Variants in SIAE observed in about 807,000 individuals in gnomAD.
The protein encoded by SIAE is sialate O-acetylesterase.
In SIAE, 39 loss-of-function variants were observed where a neutral mutation model predicts 52.6. The ratio of observed to expected loss-of-function variants is 0.74; its 90% CI spans 0.57 to 0.97. The LOEUF (loss-of-function observed/expected upper bound fraction) is 0.97. Ranked by LOEUF, SIAE falls within the 50% of genes least tolerant of loss-of-function variation. SIAE has a pLI of 0.00. For missense variants in SIAE, 592 were observed against 662.1 expected (o/e 0.89, Z 1.16); for synonymous variants, 233 against 241.4 (o/e 0.97, Z 0.32).
At chr11:124,647,062 T>G (rs1182343314) in intron 7 of SIAE, among the ~76,000 whole-genome samples, 2 of 152,264 alleles carry the variant, frequency 1.3e-5, no homozygotes, top group African/African-American at 4.8e-5. Context: ...ATTATCAACT[T>G]TTTTAGCTTC....
At chr11:124,639,965 A>G (rs1348799439) in intron 7 of SIAE, 98 bp from the exon 8 acceptor site, 4 of 1,384,422 alleles carry the variant, frequency 2.9e-6, no homozygotes, top group Non-Finnish European at 4.1e-6. Context: ...CATTGCATTT[A>G]AATGCTCATT....
chr11:124,673,440 G>A (rs946287074), intron 1 of SIAE, among the ~76,000 whole-genome samples: 3 of 152,246 alleles, frequency 2.0e-5, no homozygotes, highest in Admixed American at 1.3e-4. Context: ...TAAGTGGGGG[G>A]TGGAGAAAGT....
intron 9 of SIAE, among the ~76,000 whole-genome samples, chr11:124,637,414 A>T (rs1942767616): frequency 6.6e-6 from 1 of 152,212 alleles, no homozygotes; most frequent in Admixed American, 6.5e-5. Context: ...TCAAATAAAT[A>T]ATTTTAATAA....
chr11:124,669,688 A>G, intron 1 of SIAE, 167 bp from the exon 2 acceptor site: 3 of 688,028 alleles, frequency 4.4e-6, no homozygotes, highest in Non-Finnish European at 5.2e-6. Flanking sequence ...TTAGGCAAGC[A>G]ACATAACAAG....
chr11:124,653,422 G>A (rs1351102422), intron 4 of SIAE, among the ~76,000 whole-genome samples: 3 of 152,134 alleles, frequency 2.0e-5, no homozygotes, highest in African/African-American at 4.8e-5. Flanking sequence ...TGAGGGAAGG[G>A]AATGAAGAAG....
At chr11:124,667,997 G>T (rs1481216657) in intron 2 of SIAE, among the ~76,000 whole-genome samples, 1 of 152,170 alleles carries the variant, frequency 6.6e-6, no homozygotes, top group Non-Finnish European at 1.5e-5. Context: ...CTTCCACAGT[G>T]CTGCCACAGC....
chr11:124,639,593 G>A, intron 8 of SIAE, 117 bp downstream of exon 8: 2 of 1,285,374 alleles, frequency 1.6e-6, no homozygotes, highest in Non-Finnish European at 2.2e-6. Context: ...GCACACCCCA[G>A]CATACGTGAC....
Position 124,660,636 on chromosome 11 carries a change from C to A in SIAE, c.397G>T (p.Val133Leu). ...GAGACTCTGCAAATTACCTGTAACA[C>A]AGTCATCTGCATGTTACTCTGCCCA... ...CSGQSNMQMTVLQIFNATREL... is the reference protein window; with the variant it reads ...CSGQSNMQMTLLQIFNATREL... The change falls in exon 3 of 10, where the codon GTG becomes TTG. Residue 133 changes from valine (V) to leucine (L), a missense_variant. Physicochemically the swap from Val to Leu is conservative, Grantham distance 32. Transcript: ENST00000263593. 6.2e-7 allele frequency: 1 copy of A among 1,614,088 alleles called. No individual in the cohort carries two copies. The highest frequency in any genetic ancestry group is 1.3e-5 in the African/African-American group (1 of 75,052).
rs1239354600 is a variant in SIAE at position 124,637,175 on chromosome 11, T to A, written c.1348A>T (p.Lys450Ter). The change falls in exon 10 of 10, where the codon AAG (lysine) becomes TAG (stop). Residue 450 changes from lysine to a stop codon, truncating the protein, a stop_gained. Transcript: ENST00000263593. LOFTEE classifies it low-confidence loss of function (END_TRUNC). ...EISCCSDHRC[K>*]WLPASMNTVS... ...GTGTTCATAGAAGCTGGAAGCCACT[T>A]GCATCGATGGTCACTGCAACAGGAG... The A allele has an allele frequency of 5.6e-6, 9 of 1,614,040 alleles. No homozygotes were observed. Among genetic ancestry groups the A allele is most frequent in the Non-Finnish European group, 6.8e-6 (8 of 1,180,040 alleles).
chr11:124,638,450 CATCGTA>C, intron 9 of SIAE, 86 bp downstream of exon 9: 1 of 1,392,410 alleles, frequency 7.2e-7, no homozygotes, highest in South Asian at 1.2e-5. Context: ...AGACCCGCCA[CATCGTA>C]ATAACAAAAG....
rs550541077 is a variant in SIAE, at chr11:124,647,471, T to C, written c.860A>G (p.Asp287Gly). The C allele has an allele frequency of 6.2e-7, 1 of 1,614,042 alleles. No individual in the cohort carries two copies. The highest frequency in any genetic ancestry group is 1.7e-5 in the Admixed American group (1 of 59,998). Residue 287 changes from aspartate to glycine, a missense_variant, in exon 7 of 10, where the codon GAT becomes GGT. By Grantham distance (94) the Asp-to-Gly change is moderately conservative. Coordinates refer to ENST00000263593, the MANE Select transcript of SIAE (RefSeq NM_170601.5). ...TGCAGGGAATGTGCAATTGTACAGATCCGTGTTATAATTTATATTGGACTC... is the reference window on the plus strand; with the variant it reads ...TGCAGGGAATGTGCAATTGTACAGACCCGTGTTATAATTTATATTGGACTC... Reference protein sequence around the residue: ...QGESNINYNTDLYNCTFPALI... With the variant: ...QGESNINYNTGLYNCTFPALI...
intron 2 of SIAE, among the ~76,000 whole-genome samples, chr11:124,665,478 C>G (rs986543231): frequency 1.3e-5 from 2 of 152,218 alleles, no homozygotes; most frequent in African/African-American, 4.8e-5. Context: ...TAACTCCCTA[C>G]TCGCACCTCC....
intron 1 of SIAE, among the ~76,000 whole-genome samples, chr11:124,673,224 G>A (rs1190043960): frequency 6.6e-6 from 1 of 152,048 alleles, no homozygotes; most frequent in African/African-American, 2.4e-5. Context: ...CCTCCCCAAG[G>A]GCACCACTGA....
intron 4 of SIAE, among the ~76,000 whole-genome samples, chr11:124,653,456 CAGA>C (rs1943046873): frequency 1.3e-5 from 2 of 152,058 alleles, no homozygotes; most frequent in South Asian, 4.2e-4. Context: ...ACAGAGAAGA[CAGA>C]GGAGGAGAAG....
At chr11:124,660,286 G>A (rs1398350273) in intron 3 of SIAE, 22 of 328,376 alleles carry the variant, frequency 6.7e-5, no homozygotes, top group East Asian at 8.1e-5. Flanking sequence ...GAGAAACTCC[G>A]TCTCAAAAAA....
chr11:124,662,043 A>G (rs1943193330), intron 2 of SIAE, among the ~76,000 whole-genome samples: 2 of 152,342 alleles, frequency 1.3e-5, no homozygotes, highest in Admixed American at 1.3e-4. Flanking sequence ...GAAAATGTCC[A>G]AAAGCCCCAA....
chr11:124,665,594 G>C (rs1263418567), intron 2 of SIAE, among the ~76,000 whole-genome samples: 4 of 152,212 alleles, frequency 2.6e-5, no homozygotes, highest in Non-Finnish European at 5.9e-5. Flanking sequence ...GAAATTGTGA[G>C]ATAGTAAAAG....
rs1943292983 is a variant in SIAE, at chr11:124,667,749, C to T, written c.229+1611G>A. Among the ~76,000 whole-genome samples the T allele has an allele frequency of 2.0e-5, 3 of 152,184 alleles. No homozygotes were observed. The South Asian group carries it at 6.2e-4, about 31-fold the overall frequency. ...GCTATCTGTAACATCCAGCCCTGAG[C>T]ATGCCTTCCTTCATCCCATAACTTC... On this transcript the variant is annotated intron_variant, in intron 2 of 9. Coordinates refer to ENST00000263593, the MANE Select transcript of SIAE (RefSeq NM_170601.5).
intron 4 of SIAE, among the ~76,000 whole-genome samples, chr11:124,653,298 A>G (rs1332847090): frequency 6.6e-6 from 1 of 152,128 alleles, no homozygotes; most frequent in Non-Finnish European, 1.5e-5. Context: ...CATAGTAGAC[A>G]CTCAAATATT....
Sources: gnomAD v4.1 joint callset for allele counts (sites outside exome capture counted in the v4.1 genomes callset) on GRCh38, gnomAD v4.1.1 for gene constraint, MANE v1.5 for transcripts, NCBI Gene and HGNC (gene_info 2026-07-23, HGNC 2026-07-21) for gene names.